The following DGKB variants were observed in gnomAD, a reference collection of about 807,000 sequenced individuals.
DGKB encodes 90 kDa diacylglycerol kinase.
DGKB carries 67 observed loss-of-function variants against 114.3 expected under a neutral mutation model. That is an observed-to-expected ratio of 0.59 (90% confidence interval 0.48 to 0.72). The LOEUF is 0.72. DGKB is among the 30% of genes least tolerant of loss of function. The pLI, the probability that DGKB is intolerant of heterozygous loss-of-function variation, is 0.00. For missense variants in DGKB, 907 were observed against 975.2 expected (o/e 0.93, Z 0.93); for synonymous variants, 398 against 323.1 (o/e 1.23, Z -2.49).
At chr7:14,494,465 G>A (rs115997449) in intron 20 of DGKB, among the ~76,000 whole-genome samples, 4 of 151,816 alleles carry the variant, frequency 2.6e-5, no homozygotes, top group African/African-American at 4.8e-5. Context: ...GAAATAAAAA[G>A]CAGTCTTTGC....
chr7:14,549,823 C>A (rs1794848672), intron 20 of DGKB, among the ~76,000 whole-genome samples: 1 of 152,026 alleles, frequency 6.6e-6, no homozygotes, highest in African/African-American at 2.4e-5. Flanking sequence ...CCCGTCTCTA[C>A]TAAAAAATAT....
intron 23 of DGKB, among the ~76,000 whole-genome samples, chr7:14,239,859 T>G (rs148330180): frequency 7.0e-4 from 106 of 152,202 alleles, no homozygotes; most frequent in African/African-American, 2.5e-3. Context: ...ACTCTATCTA[T>G]CTATTATCAA....
intron 4 of DGKB, among the ~76,000 whole-genome samples, chr7:14,750,808 TTTTTTTTTC>T (rs1206405670): frequency 3.8e-5 from 5 of 132,826 alleles, no homozygotes; most frequent in African/African-American, 1.2e-4. Flanking sequence ...TTTTTTTTTT[TTTTTTTTTC>T]TGAGACAGAG....
chr7:14,422,511 A>G (rs1826872190), intron 21 of DGKB, among the ~76,000 whole-genome samples: 2 of 152,068 alleles, frequency 1.3e-5, no homozygotes, highest in East Asian at 3.9e-4. Flanking sequence ...ACAATTACTC[A>G]CATACCGCAG....
chr7:14,826,224 G>A (rs189893448), intron 2 of DGKB, among the ~76,000 whole-genome samples: 4 of 152,008 alleles, frequency 2.6e-5, no homozygotes, highest in Non-Finnish European at 4.4e-5. Context: ...CCTTTTCTTC[G>A]TGGAAGCTTC....
intron 21 of DGKB, among the ~76,000 whole-genome samples, chr7:14,374,839 C>G (rs560550001): frequency 9.2e-5 from 14 of 152,092 alleles, no homozygotes; most frequent in African/African-American, 3.4e-4. Flanking sequence ...GTGATTACTA[C>G]CCCCAACCTT....
chr7:14,402,098 T>C lies in DGKB; in HGVS notation c.1836-56707A>G, dbSNP rs563515935. Among the ~76,000 whole-genome samples, 10 of 151,878 alleles carry C rather than the reference T, an allele frequency of 6.6e-5. No homozygotes were observed. In the East Asian group the frequency reaches 1.9e-3, roughly 29 times the overall value. On this transcript the variant is annotated intron_variant, in intron 21 of 25. Transcript: ENST00000402815. Reference sequence around the variant, plus strand: ...GCAGGGGCTAATAATTACCATTCTCTTTTTAATTATTTATTTCTATATATA... The same window carrying C: ...GCAGGGGCTAATAATTACCATTCTCCTTTTAATTATTTATTTCTATATATA...
chr7:14,462,523 AC>A (rs1833234239), intron 21 of DGKB, among the ~76,000 whole-genome samples: 2 of 152,182 alleles, frequency 1.3e-5, no homozygotes, highest in African/African-American at 4.8e-5. Context: ...AGAATAAAAT[AC>A]CTAGGAATAC....
At chr7:14,282,836 T>A (rs923382547) in intron 23 of DGKB, among the ~76,000 whole-genome samples, 1 of 152,106 alleles carries the variant, frequency 6.6e-6, no homozygotes, top group Admixed American at 6.6e-5. Flanking sequence ...AAACGCTCAA[T>A]AAATTAGGTA....
At chr7:14,389,661 T>G (rs748367062) in intron 21 of DGKB, among the ~76,000 whole-genome samples, 29 of 152,284 alleles carry the variant, frequency 1.9e-4, no homozygotes, top group Non-Finnish European at 3.7e-4. Flanking sequence ...CAAAAACCTG[T>G]AAAAAATGGA....
intron 18 of DGKB, 94 bp from the exon 19 acceptor site, chr7:14,581,045 A>G: frequency 1.4e-6 from 1 of 720,768 alleles, no homozygotes; most frequent in South Asian, 2.2e-5. Flanking sequence ...AAATGAAGGA[A>G]TTCCAATAGG....
At chr7:14,216,312 T>C (rs934473452) in intron 23 of DGKB, among the ~76,000 whole-genome samples, 4 of 152,182 alleles carry the variant, frequency 2.6e-5, no homozygotes, top group African/African-American at 2.4e-5. Context: ...CTCTCAGCCA[T>C]GTCTAAGTTT....
At chr7:14,178,779 C>T (rs917332487) in intron 23 of DGKB, among the ~76,000 whole-genome samples, 2 of 152,014 alleles carry the variant, frequency 1.3e-5, no homozygotes, top group Non-Finnish European at 2.9e-5. Flanking sequence ...TGGTAGTATA[C>T]TAGATAATTA....
chr7:14,262,661 C>G (rs371390651), intron 23 of DGKB, among the ~76,000 whole-genome samples: 1 of 152,124 alleles, frequency 6.6e-6, no homozygotes, highest in Non-Finnish European at 1.5e-5. Context: ...GATTTCTGAG[C>G]TCAGAGCCAG....
At chr7:14,582,917 C>G (rs1800165914) in intron 18 of DGKB, 135 bp downstream of exon 18, 1 of 694,750 alleles carries the variant, frequency 1.4e-6, no homozygotes, top group Non-Finnish European at 2.6e-6. Flanking sequence ...TAAGTTAAAC[C>G]AGTGTGCAAC....
chr7:14,645,351 T>C (rs1022568153), intron 13 of DGKB, among the ~76,000 whole-genome samples: 1 of 152,146 alleles, frequency 6.6e-6, no homozygotes, highest in East Asian at 1.9e-4. Context: ...AGAGCTGTAA[T>C]GTTCCTGCTT....
At chr7:14,589,093 A>G (rs1271496452) in intron 17 of DGKB, among the ~76,000 whole-genome samples, 2 of 151,896 alleles carry the variant, frequency 1.3e-5, no homozygotes, top group East Asian at 3.9e-4. Flanking sequence ...TTTTCTACTA[A>G]CAGGTCTTGC....
intron 1 of DGKB, among the ~76,000 whole-genome samples, chr7:14,854,360 G>T (rs1030976683): frequency 6.6e-6 from 1 of 152,164 alleles, no homozygotes; most frequent in Non-Finnish European, 1.5e-5. Flanking sequence ...CTGCCACAAC[G>T]TTTATTATAG....
At chr7:14,270,400 G>A (rs38259) in intron 23 of DGKB, among the ~76,000 whole-genome samples, 7,526 of 152,210 alleles carry the variant, frequency 0.049, 290 homozygotes, top group East Asian at 0.17. Context: ...CTAAGTCACT[G>A]GTCAGCCTAT....
Sources: gnomAD v4.1 joint callset for allele counts (sites outside exome capture counted in the v4.1 genomes callset) on GRCh38, gnomAD v4.1.1 for gene constraint, MANE v1.5 for transcripts, NCBI Gene and HGNC (gene_info 2026-07-23, HGNC 2026-07-21) for gene names.